CPNE4: variants seen among roughly 807,000 people sequenced by gnomAD.
CPNE4 encodes the protein copine-4.
CPNE4 carries 25 observed loss-of-function variants against 67.9 expected under a neutral mutation model. The observed-to-expected ratio is 0.37, with a 90% CI of 0.27 to 0.51. The LOEUF (loss-of-function observed/expected upper bound fraction) is 0.51, where lower values mean the gene tolerates loss of function less well. CPNE4 is among the 20% of genes least tolerant of loss of function. The probability of loss-of-function intolerance (pLI) is 0.93; values close to 1 mark genes in which losing one functional copy is unlikely to be tolerated. For synonymous variants in CPNE4, 242 were observed against 244.9 expected, an observed-to-expected ratio of 0.99 and a Z score of 0.11; for missense variants, 464 against 690.8, an observed-to-expected ratio of 0.67 and a Z score of 3.68.
At chr3:131,590,725 A>T (rs1384325548) in intron 7 of CPNE4, among the ~76,000 whole-genome samples, 1 of 152,226 alleles carries the variant, frequency 6.6e-6, no homozygotes, top group African/African-American at 2.4e-5. Context: ...ACCACATGCA[A>T]AAAATGTAGT....
At chr3:131,536,806 T>G (rs151035573) in intron 15 of CPNE4, among the ~76,000 whole-genome samples, 1 of 152,216 alleles carries the variant, frequency 6.6e-6, no homozygotes, top group Non-Finnish European at 1.5e-5. Flanking sequence ...TAGACCATGG[T>G]CCATGTGTAT....
chr3:131,842,066 C>A (rs985353283), intron 2 of CPNE4, among the ~76,000 whole-genome samples: 3 of 152,108 alleles, frequency 2.0e-5, no homozygotes, highest in Non-Finnish European at 4.4e-5. Context: ...CCTGGGCCAA[C>A]CTGTGCCAGC....
At chr3:131,767,034 A>C (rs746821881) in intron 2 of CPNE4, among the ~76,000 whole-genome samples, 2 of 152,208 alleles carry the variant, frequency 1.3e-5, no homozygotes, top group Non-Finnish European at 2.9e-5. Context: ...CAGGGTTTTA[A>C]GTAATTTTTT....
At chr3:131,904,508 T>C (rs73206051) in intron 2 of CPNE4, among the ~76,000 whole-genome samples, 11,516 of 152,098 alleles carry the variant, frequency 0.076, 582 homozygotes, top group East Asian at 0.17. Flanking sequence ...TTTATGTTTC[T>C]CTATAGATCT....
At chr3:131,843,116 C>G (rs1287621118) in intron 2 of CPNE4, among the ~76,000 whole-genome samples, 2 of 152,190 alleles carry the variant, frequency 1.3e-5, no homozygotes, top group Non-Finnish European at 2.9e-5. Context: ...TCACAAAACA[C>G]TGAGCAAATG....
At position 131,905,259 on chromosome 3, in the gene CPNE4, C is replaced by T; in HGVS notation, c.180+5G>A. On this transcript the variant is annotated splice_donor_5th_base_variant and intron_variant, in intron 2 of 15. Coordinates refer to ENST00000429747, the MANE Select transcript of CPNE4 (RefSeq NM_130808.3). ...GGTTCTGTCCATTTCATTGGACATGCCTACCTCAAACCACTGCCCATGAGA... is the reference window on the plus strand; with the variant it reads ...GGTTCTGTCCATTTCATTGGACATGTCTACCTCAAACCACTGCCCATGAGA... 4 of 1,609,712 alleles carry T rather than the reference C, an allele frequency of 2.5e-6. No homozygotes were observed. Among genetic ancestry groups the T allele is most frequent in the Non-Finnish European group, 2.5e-6 (3 of 1,177,406 alleles).
chr3:132,039,020 G>A (rs537696426), upstream of CPNE4, among the ~76,000 whole-genome samples: 4 of 152,216 alleles, frequency 2.6e-5, no homozygotes, highest in Non-Finnish European at 4.4e-5. Flanking sequence ...TTAAAATCAA[G>A]TAAAATTAAA....
At chr3:132,023,320 A>C (rs1011108693) in intron 1 of CPNE4, among the ~76,000 whole-genome samples, 3 of 152,176 alleles carry the variant, frequency 2.0e-5, no homozygotes, top group African/African-American at 7.2e-5. Flanking sequence ...TGCTGCTCAC[A>C]AACTTTTATG....
chr3:132,009,115 A>T (rs1487566956), intron 1 of CPNE4, among the ~76,000 whole-genome samples: 1 of 152,194 alleles, frequency 6.6e-6, no homozygotes, highest in Non-Finnish European at 1.5e-5. Context: ...CTTCAGCAGA[A>T]TGCCTGTCTG....
At chr3:131,815,602 G>A (rs563840367) in intron 2 of CPNE4, among the ~76,000 whole-genome samples, 1 of 152,272 alleles carries the variant, frequency 6.6e-6, no homozygotes, top group Admixed American at 6.5e-5. Flanking sequence ...GTAAGTCCAA[G>A]CTTGTGCCAC....
chr3:132,002,178 T>C (rs957854648), intron 1 of CPNE4, among the ~76,000 whole-genome samples: 1 of 152,126 alleles, frequency 6.6e-6, no homozygotes, highest in Non-Finnish European at 1.5e-5. Flanking sequence ...TCCCCTTATG[T>C]GCCCCATTTA....
At chr3:131,891,543 T>C (rs967505798) in intron 2 of CPNE4, among the ~76,000 whole-genome samples, 2 of 151,944 alleles carry the variant, frequency 1.3e-5, no homozygotes, top group African/African-American at 4.8e-5. Flanking sequence ...TAGTACCCAT[T>C]AGTTATTTTT....
At chr3:131,575,168 C>T in intron 9 of CPNE4, 38 bp from the exon 10 acceptor site, 1 of 1,565,390 alleles carries the variant, frequency 6.4e-7, no homozygotes, top group East Asian at 2.2e-5. Flanking sequence ...TTAATAACAG[C>T]ACAGTCTATT....
intron 2 of CPNE4, among the ~76,000 whole-genome samples, chr3:131,789,245 A>G (rs563923187): frequency 2.0e-5 from 3 of 152,160 alleles, no homozygotes; most frequent in Non-Finnish European, 2.9e-5. Context: ...ATGGAACTGC[A>G]CATGTTTGAA....
chr3:131,903,064 T>G (rs2088611374), intron 2 of CPNE4, among the ~76,000 whole-genome samples: 1 of 152,156 alleles, frequency 6.6e-6, no homozygotes, highest in Admixed American at 6.6e-5. Flanking sequence ...GAGAAGTGGC[T>G]GATATCACAT....
At chr3:131,950,469 A>C (rs759715299) in intron 1 of CPNE4, among the ~76,000 whole-genome samples, 2 of 152,178 alleles carry the variant, frequency 1.3e-5, no homozygotes, top group Non-Finnish European at 2.9e-5. Context: ...AAGCTTGTTT[A>C]AAGTATGAAA....
At chr3:131,769,465 T>C (rs2083109011) in intron 2 of CPNE4, among the ~76,000 whole-genome samples, 1 of 152,126 alleles carries the variant, frequency 6.6e-6, no homozygotes, top group South Asian at 2.1e-4. Flanking sequence ...AAAGGAAAGA[T>C]TCAAGCATTT....
intron 2 of CPNE4, among the ~76,000 whole-genome samples, chr3:131,734,037 C>G (rs1261948874): frequency 6.6e-6 from 1 of 152,196 alleles, no homozygotes; most frequent in Admixed American, 6.5e-5. Context: ...AGCTTGGGAT[C>G]AGCTTCCTCG....
At chr3:131,949,974 G>A (rs1172483492) in intron 1 of CPNE4, among the ~76,000 whole-genome samples, 1 of 152,036 alleles carries the variant, frequency 6.6e-6, no homozygotes, top group Non-Finnish European at 1.5e-5. Flanking sequence ...TACAAATAAT[G>A]AATACTTTTA....
Sources: allele counts gnomAD v4.1 joint callset (sites outside exome capture counted in the v4.1 genomes callset), GRCh38; gene constraint gnomAD v4.1.1; transcripts MANE v1.5; gene names NCBI Gene and HGNC (gene_info 2026-07-23, HGNC 2026-07-21).